Variants in TOR1AIP2 observed in about 807,000 individuals in gnomAD.
TOR1AIP2 encodes the protein torsin 1A interacting protein 2, also known as torsin-1A-interacting protein 2.
In TOR1AIP2, 20 loss-of-function variants were observed where a neutral mutation model predicts 32.6. The observed-to-expected ratio is 0.61, with a 90% CI of 0.43 to 0.89. The LOEUF is 0.89. Among genes scored for constraint, TOR1AIP2 ranks in the 40% least tolerant of loss-of-function variants. TOR1AIP2 has a pLI of 0.00. For synonymous variants in TOR1AIP2, 214 were observed against 210.8 expected, an observed-to-expected ratio of 1.02 and a Z score of -0.13; for missense variants, 456 against 553.8, an observed-to-expected ratio of 0.82 and a Z score of 1.77.
intron 3 of TOR1AIP2, chr1:179,864,408 C>G (rs1696682142): frequency 6.0e-6 from 6 of 995,074 alleles, no homozygotes; most frequent in Non-Finnish European, 7.2e-6. Flanking sequence ...CAAAAGTTAT[C>G]ATTAGAAATA....
intron 5 of TOR1AIP2, among the ~76,000 whole-genome samples, chr1:179,849,132 T>C (rs1696027307): frequency 6.6e-6 from 1 of 151,386 alleles, no homozygotes; most frequent in Admixed American, 6.6e-5. Flanking sequence ...TGAGACTCCA[T>C]CTCAAAAAAA....
At chr1:179,854,599 G>A (rs977900465) in intron 3 of TOR1AIP2, among the ~76,000 whole-genome samples, 1 of 152,190 alleles carries the variant, frequency 6.6e-6, no homozygotes, top group African/African-American at 2.4e-5. Context: ...GGTGGGCACG[G>A]TGGCTCATGC....
chr1:179,874,150 T>C (rs933545748), intron 2 of TOR1AIP2: 3 of 152,244 alleles, frequency 2.0e-5, no homozygotes, highest in African/African-American at 4.8e-5. Context: ...GGGAGCTTGC[T>C]AAAAGTACAA....
At position 179,842,091 on chromosome 1, in the gene TOR1AIP2, T is replaced by G. The variant is rs1695738265; in HGVS notation, c.*3980A>C. The G allele has an allele frequency of 6.6e-6, 1 of 152,246 alleles. No individual in the cohort carries two copies. Among genetic ancestry groups the G allele is most frequent in the Admixed American group, 6.5e-5 (1 of 15,272 alleles). The allele number at this position is 152,246 out of a possible 1,614,324, so 9.4% of individuals were successfully genotyped here. ...TGGCACGTGCCTGTAATCCAGCTACTTGGCAGGCTGAGGCAGGAGAATCGC... is the reference window on the plus strand; with the variant it reads ...TGGCACGTGCCTGTAATCCAGCTACGTGGCAGGCTGAGGCAGGAGAATCGC... On this transcript the variant is annotated 3_prime_UTR_variant, in exon 7 of 7. Coordinates refer to ENST00000609928, the MANE Select transcript of TOR1AIP2 (RefSeq NM_001199260.2).
intron 3 of TOR1AIP2, chr1:179,858,909 A>AT (rs1696408974): frequency 1.5e-6 from 1 of 661,284 alleles, no homozygotes; most frequent in South Asian, 6.7e-5. Context: ...TACTAAGACC[A>AT]TTTTTTAAAT....
chr1:179,852,621 A>C lies in TOR1AIP2; in HGVS notation c.34+11T>G. The C allele has an allele frequency of 6.2e-7, 1 of 1,613,908 alleles. No individual in the cohort carries two copies. The highest frequency in any genetic ancestry group is 1.7e-5 in the Admixed American group (1 of 60,016). On this transcript the variant is annotated intron_variant, in intron 4 of 6. Transcript: ENST00000609928. ...CAGCAGCAACCTCAGTGCCAGACAA[A>C]TCAGTCTTACCCTCTTGAGGTTCCC...
intron 2 of TOR1AIP2, among the ~76,000 whole-genome samples, chr1:179,876,567 C>T (rs756006921): frequency 2.0e-5 from 3 of 152,150 alleles, no homozygotes; most frequent in Non-Finnish European, 4.4e-5. Context: ...CCAAAAACAT[C>T]TGTAGTTACT....
intron 3 of TOR1AIP2, chr1:179,862,194 A>T: frequency 1.0e-6 from 1 of 984,006 alleles, no homozygotes; most frequent in Non-Finnish European, 1.2e-6. Context: ...TGACTAAAAC[A>T]AAAACAAAAA....
chr1:179,860,489 C>G (rs1055268720), intron 3 of TOR1AIP2: 1 of 985,202 alleles, frequency 1.0e-6, no homozygotes, highest in African/African-American at 1.7e-5. Context: ...CTCAAAAAAA[C>G]AAAACAAAAC....
chr1:179,852,595 AC>A (rs756992413), intron 4 of TOR1AIP2, 36 bp downstream of exon 4: 1 of 1,611,668 alleles, frequency 6.2e-7, no homozygotes, highest in East Asian at 2.2e-5. Context: ...CTGGTTTCCT[AC>A]AGCAGCAACC....
chr1:179,873,936 C>G (rs903028033), intron 2 of TOR1AIP2: 1 of 152,172 alleles, frequency 6.6e-6, no homozygotes, highest in African/African-American at 2.4e-5. Context: ...TTTCAAGCAC[C>G]ATAAGATTTT....
chr1:179,846,625 C>T lies in TOR1AIP2; in HGVS notation c.859G>A (p.Ala287Thr). The stretch of plus-strand genomic sequence containing the variant: ...GTGGCTGGCTCAGTGGGGTTGGAAG[C>T]ATTGAGGTGCTTCTGGAGAAACTTC... ...GRKFLQKHLN[A>T]SNPTEPATII... is the part of the protein sequence containing the mutation. The change falls in exon 7 of 7, where the codon GCT becomes ACT. Residue 287 changes from alanine (A) to threonine (T), a missense_variant. Ala to Thr is a moderately conservative substitution (Grantham distance 58). Coordinates refer to ENST00000609928, the MANE Select transcript of TOR1AIP2 (RefSeq NM_001199260.2). The T allele has an allele frequency of 6.2e-7, 1 of 1,614,062 alleles. No homozygotes were observed. Among genetic ancestry groups the T allele is most frequent in the Admixed American group, 1.7e-5 (1 of 60,018 alleles).
intron 2 of TOR1AIP2, among the ~76,000 whole-genome samples, chr1:179,872,951 T>C (rs1380815571): frequency 2.6e-5 from 4 of 152,240 alleles, no homozygotes; most frequent in Non-Finnish European, 5.9e-5. Context: ...AGTTCCATTA[T>C]ATCCTTCATC....
intron 4 of TOR1AIP2, among the ~76,000 whole-genome samples, chr1:179,852,263 T>TA (rs772686671): frequency 0.019 from 1,736 of 89,484 alleles, 33 homozygotes; most frequent in East Asian, 0.099. Flanking sequence ...CTGGGTAACA[T>TA]AAAAAAAAAA....
In TOR1AIP2 at chr1:179,852,773, C is replaced by G; in HGVS notation, c.-108G>C. On this transcript the variant is annotated 5_prime_UTR_variant, in exon 4 of 7. Transcript: ENST00000609928. The stretch of plus-strand genomic sequence containing the variant: ...TGTCCCAAGTCCCAACAGACTCATG[C>G]TTCCCATGGACCCAGGAAATAAGGC... 1 of 1,582,112 alleles carries G rather than the reference C, an allele frequency of 6.3e-7. No individual in the cohort carries two copies. The highest frequency in any genetic ancestry group is 2.3e-5 in the East Asian group (1 of 43,372).
intron 2 of TOR1AIP2, chr1:179,868,308 T>C (rs1438758686): frequency 7.9e-5 from 12 of 152,250 alleles, no homozygotes; most frequent in Non-Finnish European, 1.5e-4. Flanking sequence ...ATTATTTATT[T>C]TGGCTATTTT....
intron 2 of TOR1AIP2, chr1:179,868,063 C>T (rs1265416862): frequency 6.6e-6 from 1 of 152,228 alleles, no homozygotes; most frequent in African/African-American, 2.4e-5. Context: ...ACCCCTATCC[C>T]CACCCCAACA....
rs367970185 is a variant in TOR1AIP2, at chr1:179,856,628, T to C, written c.-146-3817A>G. The stretch of plus-strand genomic sequence containing the variant: ...TTTCAGAGGCAGGTCAATCTTTTTT[T>C]CCCCCCCAAGATAGAATCTCACTCT... On this transcript the variant is annotated intron_variant, in intron 3 of 6. Transcript: ENST00000609928. 2.8e-3 allele frequency among the ~76,000 whole-genome samples: 415 copies of C among 147,884 alleles called. 2 individuals carry two copies. The highest frequency in any genetic ancestry group is 9.6e-3 in the African/African-American group (396 of 41,144).
At chr1:179,869,669 T>C (rs1047305495) in intron 2 of TOR1AIP2, among the ~76,000 whole-genome samples, 3 of 152,188 alleles carry the variant, frequency 2.0e-5, no homozygotes, top group African/African-American at 4.8e-5. Context: ...CATCTCTTCA[T>C]AGAAATAAGG....
Sources: allele counts gnomAD v4.1 joint callset (sites outside exome capture counted in the v4.1 genomes callset), GRCh38; gene constraint gnomAD v4.1.1; transcripts MANE v1.5; gene names NCBI Gene and HGNC (gene_info 2026-07-23, HGNC 2026-07-21).